The following ARMC6 variants were observed in gnomAD, a reference collection of about 807,000 sequenced individuals.
The protein encoded by ARMC6 is armadillo repeat-containing protein 6.
ARMC6 carries 43 observed loss-of-function variants against 49.2 expected under a neutral mutation model. The observed-to-expected ratio is 0.87, with a 90% CI of 0.69 to 1.13. The LOEUF is 1.13. ARMC6 is among the 50% of genes most tolerant of loss of function. The pLI is 0.00. For missense variants in ARMC6, 627 were observed against 682.0 expected (o/e 0.92, Z 0.90); for synonymous variants, 262 against 289.6 (o/e 0.90, Z 0.97).
At chr19:19,035,819 A>T (rs1016863988) in intron 2 of ARMC6, among the ~76,000 whole-genome samples, 1 of 152,236 alleles carries the variant, frequency 6.6e-6, no homozygotes, top group Non-Finnish European at 1.5e-5. Flanking sequence ...ACACAGCCTC[A>T]GGAGGTCCTG....
Position 19,033,888 on chromosome 19 carries a change from C to G in ARMC6, c.-122C>G. On this transcript the variant is annotated 5_prime_UTR_variant, in exon 1 of 9. Coordinates refer to ENST00000535612, the MANE Select transcript of ARMC6 (RefSeq NM_001199196.2). ...GGGCTAGAGGCGGCTCCCTGGGTGA[C>G]AACCGCGCGCCCCACCTTTCCCCAC... is the stretch of plus-strand genomic sequence containing the variant. 2.6e-6 allele frequency: 1 copy of G among 386,884 alleles called. No individual in the cohort carries two copies. The highest frequency in any genetic ancestry group is 4.7e-6 in the Non-Finnish European group (1 of 212,688). The allele number at this position is 386,884 out of a possible 1,614,324, so 24.0% of individuals were successfully genotyped here.
chr19:19,050,835 T>TAGA (rs759813147), intron 4 of ARMC6, among the ~76,000 whole-genome samples: 37 of 152,218 alleles, frequency 2.4e-4, no homozygotes, highest in African/African-American at 8.9e-4. Flanking sequence ...GTGGTTTCTG[T>TAGA]AGAACCACCC....
Position 19,057,648 on chromosome 19 carries a change from C to CGTGACTCTGGGTGAGTCGT in ARMC6, c.*28_*46dup. 1 of 1,608,446 alleles carries CGTGACTCTGGGTGAGTCGT rather than the reference C, an allele frequency of 6.2e-7. No individual in the cohort carries two copies. The highest frequency in any genetic ancestry group is 8.5e-7 in the Non-Finnish European group (1 of 1,178,990). On this transcript the variant is annotated 3_prime_UTR_variant, in exon 9 of 9. Coordinates refer to ENST00000535612, the MANE Select transcript of ARMC6 (RefSeq NM_001199196.2). ...CCATGACCCCAGGCCCAGTCTGGGC[C>CGTGACTCTGGGTGAGTCGT]GTGACTCTGGGTGAGTCGTGTGACT...
At chr19:19,049,885 G>A (rs965212011) in intron 4 of ARMC6, among the ~76,000 whole-genome samples, 3 of 152,168 alleles carry the variant, frequency 2.0e-5, no homozygotes, top group Non-Finnish European at 4.4e-5. Context: ...TTATCCGGGC[G>A]TGGTGGCACA....
At chr19:19,045,894 G>A (rs141729903) in intron 4 of ARMC6, among the ~76,000 whole-genome samples, 141 of 152,224 alleles carry the variant, frequency 9.3e-4, no homozygotes, top group Middle Eastern at 3.4e-3. Flanking sequence ...CTCGTGATCC[G>A]TCTGCCTCGG....
In ARMC6 at chr19:19,051,650, C is replaced by G; in HGVS notation, c.308C>G (p.Ala103Gly). The G allele has an allele frequency of 1.9e-6, 3 of 1,607,682 alleles. No individual in the cohort carries two copies. The highest frequency in any genetic ancestry group is 2.5e-6 in the Non-Finnish European group (3 of 1,176,568). ...QMLSDLQESV[A>G]SSRPQEVSAY... ...CTCAGTGACCTCCAGGAGTCTGTGG[C>G]CAGCTCTCGCCCCCAGGAGGTGTCA... The change falls in exon 5 of 9, where the codon GCC (alanine) becomes GGC (glycine). Residue 103 changes from alanine (A) to glycine (G), a missense_variant. Ala to Gly is a moderately conservative substitution (Grantham distance 60, BLOSUM62 0). Transcript: ENST00000535612.
In ARMC6 at chr19:19,044,068, C is replaced by T; in HGVS notation, c.273C>T (p.Ile91=). ...GATCCCAGGAGCCCACACATGACAT[C>T]CTGCAGGTAGGAGTGGGCATCCCAC... ...ADGSQEPTHD[I]LQMLSDLQES... is the part of the protein sequence containing the mutation. The change falls in exon 4 of 9, where the codon ATC becomes ATT. Residue 91 remains isoleucine, a synonymous_variant. Coordinates refer to ENST00000535612, the MANE Select transcript of ARMC6 (RefSeq NM_001199196.2). The T allele has an allele frequency of 1.2e-6, 2 of 1,614,064 alleles. No individual in the cohort carries two copies. The highest frequency in any genetic ancestry group is 2.2e-5 in the East Asian group (1 of 44,886).
chr19:19,044,388 G>A (rs2059432866), intron 4 of ARMC6, among the ~76,000 whole-genome samples: 1 of 152,216 alleles, frequency 6.6e-6, no homozygotes. Context: ...GAGACAGATG[G>A]TCAGGACTCA....
rs1187826673 is a variant in ARMC6 at position 19,052,043 on chromosome 19, A to T, written c.701A>T (p.His234Leu). The T allele has an allele frequency of 6.2e-7, 1 of 1,613,862 alleles. No homozygotes were observed. The highest frequency in any genetic ancestry group is 1.3e-5 in the African/African-American group (1 of 74,946). ...LLTGAITHHGHHTDVVREACW... is the reference protein window; with the variant it reads ...LLTGAITHHGLHTDVVREACW... ...ACTGGTGCCATCACCCATCATGGCC[A>T]CCACACTGACGTGGTCAGGGAAGCC... Residue 234 changes from histidine to leucine, a missense_variant, in exon 5 of 9, where the codon CAC (histidine) becomes CTC (leucine). His to Leu is a moderately conservative substitution (Grantham distance 99). Transcript: ENST00000535612.
Position 19,054,142 on chromosome 19 carries a change from C to G in ARMC6, c.854-10C>G. 1 of 1,542,984 alleles carries G rather than the reference C, an allele frequency of 6.5e-7. No homozygotes were observed. The highest frequency in any genetic ancestry group is 2.4e-5 in the East Asian group (1 of 41,488). On this transcript the variant is annotated splice_polypyrimidine_tract_variant and intron_variant, in intron 5 of 8. Transcript: ENST00000535612. ...CCCGCCCCCACCACCGTCTCCCTTTCTCCCTGCAGCGTTCCTGGATAACCC... is the reference window on the plus strand; with the variant it reads ...CCCGCCCCCACCACCGTCTCCCTTTGTCCCTGCAGCGTTCCTGGATAACCC...
chr19:19,052,128 C>A lies in ARMC6; in HGVS notation c.786C>A (p.Ala262=). The change falls in exon 5 of 9, where the codon GCC becomes GCA. Residue 262 remains alanine (A), a synonymous_variant. Coordinates refer to ENST00000535612, the MANE Select transcript of ARMC6 (RefSeq NM_001199196.2). ...DDDIRVPFGH[A]HNHAKMIVQE... ...ACATCCGTGTGCCCTTTGGCCATGC[C>A]CACAACCATGCCAAGATGATTGTGC... The A allele has an allele frequency of 6.2e-7, 1 of 1,613,792 alleles. No homozygotes were observed. The highest frequency in any genetic ancestry group is 8.5e-7 in the Non-Finnish European group (1 of 1,179,984).
At position 19,055,397 on chromosome 19, in the gene ARMC6, G is replaced by A. The variant is rs2059535734; in HGVS notation, c.1155+1G>A. The A allele has an allele frequency of 1.9e-6, 3 of 1,600,384 alleles. No homozygotes were observed. In the East Asian group the frequency reaches 6.7e-5, roughly 36 times the overall value. On this transcript the variant is annotated splice_donor_variant, in intron 7 of 8. Transcript: ENST00000535612. LOFTEE classifies it high-confidence loss of function. This position sits in a 1 kb window ranked among gnomAD's most constrained non-coding sequence, Gnocchi z 5.7. ...GACCCAGCATCTGACCAGCCCCCAG[G>A]TACCCACCTCGGGGGGCACACACAG...
chr19:19,044,110 C>A, intron 4 of ARMC6, 36 bp downstream of exon 4: 1 of 1,581,020 alleles, frequency 6.3e-7, no homozygotes, highest in Non-Finnish European at 8.7e-7. Flanking sequence ...GGTCCTGCGT[C>A]ACCTCTGTCT....
rs1345124255 is a variant in ARMC6, at chr19:19,055,378, G to T, written c.1137G>T (p.Gln379His). 19 of 1,609,762 alleles carry T rather than the reference G, an allele frequency of 1.2e-5. No homozygotes were observed. Among genetic ancestry groups the T allele is most frequent in the Non-Finnish European group, 1.5e-5 (18 of 1,178,078 alleles). ...AGTCCATCGTGGCTGCTATGACCCA[G>T]CATCTGACCAGCCCCCAGGTACCCA... ...GTESIVAAMTQHLTSPQVCEQ... is the reference protein window; with the variant it reads ...GTESIVAAMTHHLTSPQVCEQ... The change falls in exon 7 of 9, where the codon CAG (glutamine) becomes CAT (histidine). Residue 379 changes from glutamine (Q) to histidine (H), a missense_variant. Transcript: ENST00000535612. The surrounding 1 kb of genome is among the most constrained non-coding windows in gnomAD (Gnocchi z 5.7).
chr19:19,051,611 A>G lies in ARMC6; in HGVS notation c.280-11A>G, dbSNP rs779850103. On this transcript the variant is annotated splice_polypyrimidine_tract_variant and intron_variant, in intron 4 of 8. Transcript: ENST00000535612. The stretch of plus-strand genomic sequence containing the variant: ...CTGAGCTGATGCTGAGGTTTCTCCC[A>G]TGTCTCCCAGATGCTCAGTGACCTC... 4 of 1,576,288 alleles carry G rather than the reference A, an allele frequency of 2.5e-6. No individual in the cohort carries two copies. The highest frequency in any genetic ancestry group is 2.3e-5 in the South Asian group (2 of 85,244).
intron 2 of ARMC6, among the ~76,000 whole-genome samples, chr19:19,038,898 T>TACACACACACACACACACACACACAC (rs35676976): frequency 6.8e-6 from 1 of 147,210 alleles, no homozygotes; most frequent in African/African-American, 2.5e-5. Flanking sequence ...TTTGTGTGTA[T>TACACACACACACACACACACACACAC]ACACACACAC....
chr19:19,054,265 G>T lies in ARMC6; in HGVS notation c.967G>T (p.Val323Leu), dbSNP rs200535730. Reference sequence around the variant, plus strand: ...CGACCTCGGGGGCCTGAGCATTCTGGTGTCCCTGCTAGCCGACTGCAATGA... The same window carrying T: ...CGACCTCGGGGGCCTGAGCATTCTGTTGTCCCTGCTAGCCGACTGCAATGA... ...VVDLGGLSIL[V>L]SLLADCNDHQ... The change falls in exon 6 of 9, where the codon GTG (valine) becomes TTG (leucine). Residue 323 changes from valine (V) to leucine (L), a missense_variant. By Grantham distance (32) the Val-to-Leu change is conservative. Coordinates refer to ENST00000535612, the MANE Select transcript of ARMC6 (RefSeq NM_001199196.2). The T allele has an allele frequency of 5.6e-6, 9 of 1,611,274 alleles. No homozygotes were observed. The East Asian group carries it at 2.0e-4, about 36-fold the overall frequency.
chr19:19,046,829 A>G (rs1489763403), intron 4 of ARMC6, among the ~76,000 whole-genome samples: 2 of 147,466 alleles, frequency 1.4e-5, no homozygotes, highest in African/African-American at 5.0e-5. Flanking sequence ...ATCTTGCTAT[A>G]TTGCCCAGGA....
chr19:19,044,233 G>A (rs1258618431), intron 4 of ARMC6, among the ~76,000 whole-genome samples, 159 bp downstream of exon 4: 1 of 152,242 alleles, frequency 6.6e-6, no homozygotes, highest in East Asian at 1.9e-4. Context: ...CTGAGTCCAT[G>A]TCCGAGGGCG....
Sources: allele counts gnomAD v4.1 joint callset (sites outside exome capture counted in the v4.1 genomes callset), GRCh38; gene constraint gnomAD v4.1.1; non-coding constraint Gnocchi (gnomAD v3.1); transcripts MANE v1.5; gene names NCBI Gene and HGNC (gene_info 2026-07-23, HGNC 2026-07-21).